The following MPP1 variants were observed in gnomAD, a reference collection of about 807,000 sequenced individuals.
MPP1 encodes MAGUK p55 scaffold protein 1, also known as 55 kDa erythrocyte membrane protein.
A neutral mutation model predicts 38.2 loss-of-function variants in MPP1; 6 were observed. That is an observed-to-expected ratio of 0.16 (90% CI 0.09 to 0.31). MPP1 has a LOEUF of 0.31. MPP1 is among the 10% of genes least tolerant of loss of function. MPP1 has a pLI of 1.00. For missense variants in MPP1, 293 were observed against 368.9 expected, an observed-to-expected ratio of 0.79 and a Z score of 1.69; for synonymous variants, 153 against 146.3, an observed-to-expected ratio of 1.05 and a Z score of -0.33.
intron 1 of MPP1, among the ~76,000 whole-genome samples, chrX:154,804,079 A>G (rs1227788915): frequency 1.8e-5 from 2 of 111,970 alleles, no homozygotes; most frequent in African/African-American, 3.3e-5. Flanking sequence ...GCCTCACTCG[A>G]GTGGAATATA....
At chrX:154,799,003 G>C (rs1360923192) in intron 1 of MPP1, among the ~76,000 whole-genome samples, 1 of 111,665 alleles carries the variant, frequency 9.0e-6, no homozygotes, top group African/African-American at 3.3e-5. Context: ...CAAAGTGCTG[G>C]GATTACAGGT....
At chrX:154,786,090 C>A in intron 6 of MPP1, 114 bp downstream of exon 6, 85 of 638,234 alleles carry the variant, frequency 1.3e-4, no homozygotes, top group Non-Finnish European at 1.7e-4. Flanking sequence ...GCCAGGAAAT[C>A]TAGGAGGTCT....
rs782470556 is a variant in MPP1, at chrX:154,786,895, C to CAAAA, written c.481-499_481-496dup. Among the ~76,000 whole-genome samples the CAAAA allele has an allele frequency of 3.9e-4, 10 of 25,581 alleles. 1 individual carries two copies. Among genetic ancestry groups the CAAAA allele is most frequent in the Non-Finnish European group, 4.5e-4 (8 of 17,609 alleles). 22.2% of individuals were successfully genotyped at this position (25,581 alleles called of 115,157 possible). A position where few individuals can be genotyped will look rare whatever the true frequency, so the allele number is the denominator to read the frequency against. ...TGGGCGACAGAGTGAGACTCCGTCT[C>CAAAA]AAAAAAAAAAAAAAAAAAAAAAAAA... On this transcript the variant is annotated intron_variant, in intron 5 of 11. Coordinates refer to ENST00000369534, the MANE Select transcript of MPP1 (RefSeq NM_002436.4).
intron 5 of MPP1, among the ~76,000 whole-genome samples, chrX:154,787,213 G>A (rs1373172954): frequency 9.2e-6 from 1 of 108,670 alleles, no homozygotes; most frequent in Non-Finnish European, 1.9e-5. Context: ...AATCTCATAC[G>A]AAAACAGATT....
rs782747064 is a variant in MPP1 at position 154,781,696 on chromosome X, A to G, written c.1053T>C (p.Phe351=). The G allele has an allele frequency of 1.6e-5, 19 of 1,209,975 alleles. No homozygotes were observed. The South Asian group carries it at 3.2e-4, about 20-fold the overall frequency. ...CAAACATGTTGCCTTGGTAGCTGCC[A>G]AACTCCAAGAACTCATTGGCAGAGA... The part of the protein sequence containing the change: ...RNISANEFLE[F]GSYQGNMFGT... The change falls in exon 10 of 12, where the codon TTT becomes TTC. Residue 351 remains phenylalanine (F), a synonymous_variant. Transcript: ENST00000369534.
intron 5 of MPP1, among the ~76,000 whole-genome samples, chrX:154,786,981 G>A (rs1332784183): frequency 9.3e-6 from 1 of 106,954 alleles, no homozygotes; most frequent in African/African-American, 3.4e-5. Flanking sequence ...GATCTGGGTC[G>A]TCTGTCTCAG....
chrX:154,786,161 G>A (rs782361292), intron 6 of MPP1, 43 bp downstream of exon 6: 2 of 1,075,995 alleles, frequency 1.9e-6, no homozygotes, highest in Non-Finnish European at 2.5e-6. Context: ...TAAGTTATTT[G>A]TGGCAGGCAC....
At position 154,783,376 on chromosome X, in the gene MPP1, G is replaced by A. The variant is rs782180401; in HGVS notation, c.946+51C>T. ...ATAACACTATGGTATTTCAGATGGC[G>A]AGTGGTACCAGCCTGTCACCTCCCC... On this transcript the variant is annotated intron_variant, in intron 9 of 11. Transcript: ENST00000369534. 5 of 798,314 alleles carry A rather than the reference G, an allele frequency of 6.3e-6. No homozygotes were observed. The African/African-American group carries it at 1.0e-4, about 17-fold the overall frequency. 65.8% of individuals were successfully genotyped at this position (798,314 alleles called of 1,213,427 possible).
rs782777853 is a variant in MPP1 at position 154,791,631 on chromosome X, A to G, written c.325+138T>C. 35 of 505,312 alleles carry G rather than the reference A, an allele frequency of 6.9e-5. No homozygotes were observed. In the Middle Eastern group the frequency reaches 3.0e-3, roughly 44 times the overall value. The allele number at this position is 505,312 out of a possible 1,213,427, so 41.6% of individuals were successfully genotyped here. ...ACTGATTCTACAGAGCCAGTTATTA[A>G]GCCACAAAAAGTCTCTTGGCACACT... On this transcript the variant is annotated intron_variant, in intron 3 of 11. Transcript: ENST00000369534.
intron 6 of MPP1, among the ~76,000 whole-genome samples, chrX:154,785,933 C>T (rs1375588126): frequency 1.8e-5 from 2 of 112,161 alleles, no homozygotes; most frequent in Admixed American, 1.9e-4. Context: ...TCAGTCCCAG[C>T]ACTGTCACGT....
intron 1 of MPP1, among the ~76,000 whole-genome samples, chrX:154,793,199 A>G (rs1330939475): frequency 3.6e-5 from 4 of 112,527 alleles, no homozygotes; most frequent in Non-Finnish European, 7.5e-5. Flanking sequence ...CTCCACTGAG[A>G]TAAGCATAGA....
chrX:154,791,191 C>T (rs187223143), intron 3 of MPP1, 123 bp from the exon 4 acceptor site: 2 of 592,484 alleles, frequency 3.4e-6, no homozygotes, highest in Admixed American at 3.0e-5. Context: ...CAGATTGTGT[C>T]AAATACTCAG....
intron 11 of MPP1, among the ~76,000 whole-genome samples, chrX:154,779,868 GCCA>G (rs1455984534): frequency 8.9e-6 from 1 of 112,898 alleles, no homozygotes; most frequent in Non-Finnish European, 1.9e-5. Flanking sequence ...ACAGGCATGC[GCCA>G]CCACATCTGG....
At position 154,788,518 on chromosome X, in the gene MPP1, G is replaced by A. The variant is rs782647828; in HGVS notation, c.480+1436C>T. On this transcript the variant is annotated intron_variant, in intron 5 of 11. Transcript: ENST00000369534. ...ATCAGACAATGCTAAGTATTGGTGAGAATACAGAACAACCAGAACTGTCAT... is the reference window on the plus strand; with the variant it reads ...ATCAGACAATGCTAAGTATTGGTGAAAATACAGAACAACCAGAACTGTCAT... Among the ~76,000 whole-genome samples, 22 of 112,106 alleles carry A rather than the reference G, an allele frequency of 2.0e-4. No individual in the cohort carries two copies. The South Asian group carries it at 7.8e-3, about 40-fold the overall frequency.
In MPP1 at chrX:154,779,340, T is replaced by C. The variant is rs1306044661; in HGVS notation, c.1238A>G (p.Gln413Arg). Residue 413 changes from glutamine (Q) to arginine (R), a missense_variant, in exon 12 of 12, where the codon CAG (glutamine) becomes CGG (arginine). Gln to Arg is a conservative substitution (Grantham distance 43). Coordinates refer to ENST00000369534, the MANE Select transcript of MPP1 (RefSeq NM_002436.4). ...GGCCTCAGAGTCCTTCTGCAGCTGC[T>C]GCAGGGCTTCTGTCTGCAAAGAAGA... Reference protein sequence around the residue: ...TDQGTQTEALQQLQKDSEAIR... With the variant: ...TDQGTQTEALRQLQKDSEAIR... The C allele has an allele frequency of 8.3e-7, 1 of 1,207,948 alleles. No individual in the cohort carries two copies. Among genetic ancestry groups the C allele is most frequent in the East Asian group, 3.0e-5 (1 of 33,837 alleles).
At chrX:154,785,352 CT>C (rs782215244) in intron 6 of MPP1, among the ~76,000 whole-genome samples, 195 bp from the exon 7 acceptor site, 3 of 110,262 alleles carry the variant, frequency 2.7e-5, no homozygotes, top group Non-Finnish European at 5.7e-5. Flanking sequence ...GACCTGGCTC[CT>C]TGAGTCTGTG....
intron 1 of MPP1, among the ~76,000 whole-genome samples, chrX:154,799,023 C>T (rs1325861758): frequency 8.9e-6 from 1 of 112,007 alleles, no homozygotes; most frequent in Non-Finnish European, 1.9e-5. Flanking sequence ...TGTGAGCCAC[C>T]ATGCCTAGCT....
At chrX:154,786,999 C>A (rs1321466601) in intron 5 of MPP1, among the ~76,000 whole-genome samples, 11 of 107,633 alleles carry the variant, frequency 1.0e-4, no homozygotes, top group African/African-American at 3.7e-4. Context: ...CAGTACAGGG[C>A]AGCTACTCTT....
At position 154,779,234 on chromosome X, in the gene MPP1, T is replaced by G. The variant is rs2071958585; in HGVS notation, c.1344A>C (p.Glu448Asp). ...GVDETLKKLQ[E>D]AFDQACSSPQ... Reference sequence around the variant, plus strand: ...GAGAACTGCACGCTTGGTCGAAGGCTTCTTGTAATTTCTTAAGGGTTTCAT... The same window carrying G: ...GAGAACTGCACGCTTGGTCGAAGGCGTCTTGTAATTTCTTAAGGGTTTCAT... The change falls in exon 12 of 12, where the codon GAA becomes GAC. Residue 448 changes from glutamate to aspartate, a missense_variant. Transcript: ENST00000369534. 8.3e-7 allele frequency: 1 copy of G among 1,211,528 alleles called. No individual in the cohort carries two copies. Among genetic ancestry groups the G allele is most frequent in the Non-Finnish European group, 1.1e-6 (1 of 895,436 alleles).
Sources: allele counts gnomAD v4.1 joint callset (sites outside exome capture counted in the v4.1 genomes callset), GRCh38; gene constraint gnomAD v4.1.1; transcripts MANE v1.5; gene names NCBI Gene and HGNC (gene_info 2026-07-23, HGNC 2026-07-21).